Variants in STYXL2 observed in about 807,000 individuals in gnomAD.
STYXL2 encodes the protein serine/threonine/tyrosine interacting like 2.
Under a neutral mutation model 52.4 loss-of-function variants are expected in STYXL2, and 44 were observed. The observed-to-expected ratio is 0.84, with a 90% CI of 0.66 to 1.08. The LOEUF is 1.08. Among genes scored for constraint, STYXL2 ranks in the 50% least tolerant of loss-of-function variants. The pLI is 0.00. For synonymous variants in STYXL2, 604 were observed against 586.9 expected, an observed-to-expected ratio of 1.03 and a Z score of -0.42; for missense variants, 1,604 against 1,471.7, an observed-to-expected ratio of 1.09 and a Z score of -1.47.
Position 167,126,744 on chromosome 1 carries a change from A to G in STYXL2, c.1613A>G (p.Lys538Arg), listed in dbSNP as rs1433723344. ...SSFYNFCSRN[K>R]DKLTALERWK... ...TTCTACAACTTCTGCAGCAGGAACAAGGACAAGCTCACTGCCCTGGAAAGA... is the reference window on the plus strand; with the variant it reads ...TTCTACAACTTCTGCAGCAGGAACAGGGACAAGCTCACTGCCCTGGAAAGA... Residue 538 changes from lysine to arginine, a missense_variant, in exon 6 of 6, where the codon AAG (lysine) becomes AGG (arginine). Coordinates refer to ENST00000361200, the MANE Select transcript of STYXL2 (RefSeq NM_001080426.3). 2 of 1,614,094 alleles carry G rather than the reference A, an allele frequency of 1.2e-6. No homozygotes were observed. Among genetic ancestry groups the G allele is most frequent in the African/African-American group, 2.7e-5 (2 of 74,940 alleles).
chr1:167,103,871 C>A (rs1667452617), intron 2 of STYXL2, among the ~76,000 whole-genome samples: 1 of 152,156 alleles, frequency 6.6e-6, no homozygotes, highest in East Asian at 1.9e-4. Context: ...CCTGTAACCC[C>A]AGCCCTTTGG....
rs1667793474 is a variant in STYXL2, at chr1:167,119,151, C to A, written c.438-98C>A. ...GGCAGAAAAGGAGGCACTTGCCCAG[C>A]TGTGGCCCTAGACTGGCTGAGGCAG... On this transcript the variant is annotated intron_variant, in intron 4 of 5. Coordinates refer to ENST00000361200, the MANE Select transcript of STYXL2 (RefSeq NM_001080426.3). 5 of 1,108,648 alleles carry A rather than the reference C, an allele frequency of 4.5e-6. No individual in the cohort carries two copies. The East Asian group carries it at 1.0e-4, about 23-fold the overall frequency. The allele number at this position is 1,108,648 out of a possible 1,614,324, so 68.7% of individuals were successfully genotyped here.
intron 2 of STYXL2, among the ~76,000 whole-genome samples, chr1:167,096,576 A>C (rs1667288909): frequency 6.6e-6 from 1 of 152,180 alleles, no homozygotes; most frequent in Non-Finnish European, 1.5e-5. Context: ...ATCAGTATTA[A>C]CATAAAATGG....
chr1:167,102,294 G>GT (rs199703702), intron 2 of STYXL2, among the ~76,000 whole-genome samples: 25,585 of 144,422 alleles, frequency 0.18, 2,404 homozygotes, highest in Middle Eastern at 0.23. Flanking sequence ...TAATAAAGCT[G>GT]TTTTTTAAAA....
Position 167,127,006 on chromosome 1 carries a change from G to T in STYXL2, c.1875G>T (p.Arg625=). ...CGGCCTTGGCTAAGAAGAGACAACGGAGGCTGGAGCTGCTGGAGAGAAGCC... is the reference window on the plus strand; with the variant it reads ...CGGCCTTGGCTAAGAAGAGACAACGTAGGCTGGAGCTGCTGGAGAGAAGCC... The part of the protein sequence containing the change: ...EDSALAKKRQ[R]RLELLERSRQ... Residue 625 remains arginine, a synonymous_variant, in exon 6 of 6, where the codon CGG becomes CGT. Coordinates refer to ENST00000361200, the MANE Select transcript of STYXL2 (RefSeq NM_001080426.3). 1 of 1,607,632 alleles carries T rather than the reference G, an allele frequency of 6.2e-7. No individual in the cohort carries two copies. The highest frequency in any genetic ancestry group is 8.5e-7 in the Non-Finnish European group (1 of 1,176,290).
At chr1:167,119,036 G>A (rs960728408) in intron 4 of STYXL2, among the ~76,000 whole-genome samples, 44 of 152,064 alleles carry the variant, frequency 2.9e-4, no homozygotes, top group African/African-American at 1.0e-3. Context: ...GCCCTTCCTT[G>A]CCTAACTGCA....
intron 2 of STYXL2, among the ~76,000 whole-genome samples, chr1:167,100,100 T>C (rs1667370789): frequency 6.6e-6 from 1 of 152,210 alleles, no homozygotes; most frequent in South Asian, 2.1e-4. Flanking sequence ...ACATGGCAGA[T>C]GGCATCACAT....
chr1:167,126,282 T>TCGAGGA lies in STYXL2; in HGVS notation c.1160_1165dup (p.Glu387_Asp388dup). ...TCCTCTGGCCAGGGTGGGGAGGAGCTCGAGGACGAGGACGTGGAGAGGATC... is the reference window on the plus strand; with the variant it reads ...TCCTCTGGCCAGGGTGGGGAGGAGCTCGAGGACGAGGACGAGGACGTGGAGAGGATC... On this transcript the variant is annotated inframe_insertion, in exon 6 of 6. Transcript: ENST00000361200. 5.9e-6 allele frequency: 9 copies of TCGAGGA among 1,533,640 alleles called. No individual in the cohort carries two copies. The highest frequency in any genetic ancestry group is 7.9e-6 in the Non-Finnish European group (9 of 1,140,776).
At chr1:167,098,302 C>T (rs73031126) in intron 2 of STYXL2, among the ~76,000 whole-genome samples, 7 of 152,000 alleles carry the variant, frequency 4.6e-5, no homozygotes, top group Non-Finnish European at 8.8e-5. Context: ...AGCCACCACG[C>T]CCGGCCCAAA....
chr1:167,100,045 G>A (rs1262235567), intron 2 of STYXL2, among the ~76,000 whole-genome samples: 8 of 152,232 alleles, frequency 5.3e-5, no homozygotes, highest in East Asian at 1.9e-4. Context: ...TGGAAAGTCC[G>A]AGATCAAGTG....
intron 2 of STYXL2, among the ~76,000 whole-genome samples, chr1:167,104,142 T>G (rs1233828312): frequency 6.6e-6 from 1 of 152,004 alleles, no homozygotes. Context: ...TAAGTGCGCT[T>G]GTAATGCAAA....
chr1:167,128,310 C>G lies in STYXL2; in HGVS notation c.3179C>G (p.Pro1060Arg). 6.2e-7 allele frequency: 1 copy of G among 1,613,968 alleles called. No homozygotes were observed. Among genetic ancestry groups the G allele is most frequent in the Non-Finnish European group, 8.5e-7 (1 of 1,179,910 alleles). The stretch of plus-strand genomic sequence containing the variant: ...GAAGAGTCCCCAGAACCACAGCGCC[C>G]AAATTGGGCCAGGTCCAGGGACTGG... ...EREESPEPQR[P>R]NWARSRDWED... The change falls in exon 6 of 6, where the codon CCA becomes CGA. Residue 1060 changes from proline (P) to arginine (R), a missense_variant. Pro to Arg is a moderately radical substitution (Grantham distance 103). Transcript: ENST00000361200.
At chr1:167,119,907 T>C (rs184791091) in intron 5 of STYXL2, among the ~76,000 whole-genome samples, 1 of 152,096 alleles carries the variant, frequency 6.6e-6, no homozygotes, top group East Asian at 1.9e-4. Flanking sequence ...ATGGGAGAAC[T>C]GGAAGAAGAG....
chr1:167,124,818 T>C lies in STYXL2; in HGVS notation c.656-969T>C, dbSNP rs149304462. Among the ~76,000 whole-genome samples, 270 of 152,254 alleles carry C rather than the reference T, an allele frequency of 1.8e-3. 1 individual carries two copies. Among genetic ancestry groups the C allele is most frequent in the Admixed American group, 0.013 (199 of 15,302 alleles). ...TCATTGTGTGACATATCCTCCCATA[T>C]TGCAAGTTTATATGGTATCAGTAAA... is the stretch of plus-strand genomic sequence containing the variant. On this transcript the variant is annotated intron_variant, in intron 5 of 5. Transcript: ENST00000361200.
chr1:167,105,985 T>C (rs1667501161), intron 2 of STYXL2, among the ~76,000 whole-genome samples: 1 of 152,194 alleles, frequency 6.6e-6, no homozygotes, highest in Non-Finnish European at 1.5e-5. Flanking sequence ...ATTTCTCAGG[T>C]TTGCTGACTC....
chr1:167,119,202 C>G (rs752312770), intron 4 of STYXL2, 47 bp from the exon 5 acceptor site: 1 of 1,581,216 alleles, frequency 6.3e-7, no homozygotes, highest in Non-Finnish European at 8.7e-7. Flanking sequence ...GGTGACACAC[C>G]TTTCTAGTTC....
chr1:167,119,009 G>T (rs1364876624), intron 4 of STYXL2, among the ~76,000 whole-genome samples: 1 of 152,328 alleles, frequency 6.6e-6, no homozygotes, highest in Non-Finnish European at 1.5e-5. Flanking sequence ...ACATCATTTT[G>T]TTGGCCTCTT....
chr1:167,112,637 T>C (rs1301356986), intron 2 of STYXL2, among the ~76,000 whole-genome samples: 2 of 152,178 alleles, frequency 1.3e-5, no homozygotes, highest in Non-Finnish European at 2.9e-5. Flanking sequence ...GGTATCTGTG[T>C]ATTGTGGAGA....
At chr1:167,099,576 A>G (rs1202927744) in intron 2 of STYXL2, among the ~76,000 whole-genome samples, 1 of 152,264 alleles carries the variant, frequency 6.6e-6, no homozygotes, top group East Asian at 1.9e-4. Context: ...TCACAATTCA[A>G]TACTACTACA....
Sources: gnomAD v4.1 joint callset for allele counts (sites outside exome capture counted in the v4.1 genomes callset) on GRCh38, gnomAD v4.1.1 for gene constraint, MANE v1.5 for transcripts, NCBI Gene and HGNC (gene_info 2026-07-23, HGNC 2026-07-21) for gene names.